Variants in SNRK observed in about 807,000 individuals in gnomAD.
SNRK encodes SNF related kinase, also known as SNF-related serine/threonine-protein kinase.
Under a neutral mutation model 48.2 loss-of-function variants are expected in SNRK, and 3 were observed. The observed-to-expected ratio is 0.06, with a 90% CI of 0.03 to 0.16. SNRK has a LOEUF of 0.16. Among genes scored for constraint, SNRK ranks in the 10% least tolerant of loss-of-function variants. The pLI, the probability that SNRK is intolerant of heterozygous loss-of-function variation, is 1.00. For missense variants in SNRK, 627 were observed against 976.0 expected, an observed-to-expected ratio of 0.64 and a Z score of 4.76; for synonymous variants, 376 against 366.1, an observed-to-expected ratio of 1.03 and a Z score of -0.31.
At chr3:43,346,543 A>G (rs957319813) in intron 6 of SNRK, among the ~76,000 whole-genome samples, 1 of 152,216 alleles carries the variant, frequency 6.6e-6, no homozygotes, top group African/African-American at 2.4e-5. Context: ...AATAATGGTG[A>G]ATTTTGTTAT....
At chr3:43,320,544 G>A (rs1396749916) in intron 3 of SNRK, among the ~76,000 whole-genome samples, 2 of 152,110 alleles carry the variant, frequency 1.3e-5, no homozygotes, top group East Asian at 3.9e-4. Flanking sequence ...GACTGAAACT[G>A]GCTTAACAAA....
intron 1 of SNRK, among the ~76,000 whole-genome samples, chr3:43,291,499 AT>A (rs2090812206): frequency 6.6e-6 from 1 of 152,148 alleles, no homozygotes; most frequent in Non-Finnish European, 1.5e-5. Context: ...CCCCTTTCAA[AT>A]ACTGTAATCT....
chr3:43,339,871 A>ATATATG (rs2091221654), intron 4 of SNRK, among the ~76,000 whole-genome samples: 1 of 96,244 alleles, frequency 1.0e-5, no homozygotes, highest in African/African-American at 3.7e-5. Context: ...ATATATATAT[A>ATATATG]TATGTTACAT....
At position 43,341,197 on chromosome 3, in the gene SNRK, C is replaced by A. The variant is rs1303225551; in HGVS notation, c.944+698C>A. On this transcript the variant is annotated intron_variant, in intron 5 of 6. Coordinates refer to ENST00000296088, the MANE Select transcript of SNRK (RefSeq NM_017719.5). ...ATGGAGTCTCGCTCTGTCGCTCAGG[C>A]TGGAGTGCAGTGGCACAATCTTGGC... 2.0e-5 allele frequency among the ~76,000 whole-genome samples: 3 copies of A among 151,904 alleles called. No individual in the cohort carries two copies. In the East Asian group the frequency reaches 5.8e-4, roughly 29 times the overall value.
chr3:43,341,344 A>G (rs569135920), intron 5 of SNRK, among the ~76,000 whole-genome samples: 64 of 152,022 alleles, frequency 4.2e-4, no homozygotes, highest in Admixed American at 1.8e-3. Context: ...GTAGAGACGG[A>G]GTTTCACTGT....
chr3:43,347,399 T>G lies in SNRK; in HGVS notation c.1140T>G (p.Thr380=), dbSNP rs1440171493. Residue 380 remains threonine, a synonymous_variant, in exon 7 of 7, where the codon ACT becomes ACG. Coordinates refer to ENST00000296088, the MANE Select transcript of SNRK (RefSeq NM_017719.5). The surrounding 1 kb of genome is among the most constrained non-coding windows in gnomAD (Gnocchi z 5.4). ...ACCTTGAGGATGACCTCACGGCCAC[T>G]CCTTTGTCCCACGCGACTGTCCCTC... ...PQDLEDDLTA[T]PLSHATVPQS... The G allele has an allele frequency of 4.3e-6, 7 of 1,612,092 alleles. No individual in the cohort carries two copies. The highest frequency in any genetic ancestry group is 5.9e-6 in the Non-Finnish European group (7 of 1,179,040).
rs1444483771 is a variant in SNRK at position 43,347,934 on chromosome 3, G to A, written c.1675G>A (p.Gly559Arg). ...ESRRRLDKDS[G>R]FTYSWHRRDS... is the part of the protein sequence containing the mutation. ...CCGGCGGCGGCTCGATAAAGATAGC[G>A]GGTTCACCTACTCCTGGCACCGACG... The change falls in exon 7 of 7, where the codon GGG (glycine) becomes AGG (arginine). Residue 559 changes from glycine (G) to arginine (R), a missense_variant. This residue lies in a region of SNRK where 98 missense variants were observed against 175.2 expected (regional missense o/e 0.56). Coordinates refer to ENST00000296088, the MANE Select transcript of SNRK (RefSeq NM_017719.5). This position sits in a 1 kb window ranked among gnomAD's most constrained non-coding sequence, Gnocchi z 5.4. The A allele has an allele frequency of 3.1e-6, 5 of 1,613,966 alleles. No homozygotes were observed. The highest frequency in any genetic ancestry group is 4.2e-6 in the Non-Finnish European group (5 of 1,180,036).
intron 4 of SNRK, among the ~76,000 whole-genome samples, chr3:43,338,405 C>T (rs1476972618): frequency 6.6e-6 from 1 of 152,128 alleles, no homozygotes; most frequent in Non-Finnish European, 1.5e-5. Context: ...GATATTATTC[C>T]ACTGTTTTCT....
chr3:43,299,841 C>A (rs2090885702), intron 2 of SNRK, 26 bp downstream of exon 2: 2 of 152,514 alleles, frequency 1.3e-5, no homozygotes, highest in Non-Finnish European at 2.9e-5. Context: ...AGTACAAATT[C>A]ACCTTTACTT....
intron 3 of SNRK, among the ~76,000 whole-genome samples, chr3:43,305,279 C>A (rs1294837374): frequency 6.6e-6 from 1 of 152,110 alleles, no homozygotes; most frequent in East Asian, 1.9e-4. Flanking sequence ...CAGAGTAGCT[C>A]TCACTTATGC....
At position 43,350,330 on chromosome 3, in the gene SNRK, G is replaced by C. The variant is rs1188254764; in HGVS notation, c.*1773G>C. The C allele has an allele frequency of 1.3e-5, 2 of 152,600 alleles. No individual in the cohort carries two copies. The highest frequency in any genetic ancestry group is 6.5e-5 in the Admixed American group (1 of 15,276). The allele number at this position is 152,600 out of a possible 1,614,324, so 9.5% of individuals were successfully genotyped here. A position where few individuals can be genotyped will look rare whatever the true frequency, so the allele number is the denominator to read the frequency against. On this transcript the variant is annotated 3_prime_UTR_variant, in exon 7 of 7. Transcript: ENST00000296088. ...TGTGTGGTTCACATAGATAGTGAGCGTAACATCTGTATTAAACATAGGAGA... is the reference window on the plus strand; with the variant it reads ...TGTGTGGTTCACATAGATAGTGAGCCTAACATCTGTATTAAACATAGGAGA...
intron 3 of SNRK, among the ~76,000 whole-genome samples, chr3:43,313,358 A>C (rs1017706129): frequency 6.6e-6 from 1 of 152,210 alleles, no homozygotes; most frequent in African/African-American, 2.4e-5. Context: ...TGGTGTATTC[A>C]TACCATGGAA....
At chr3:43,306,229 A>G (rs2090936509) in intron 3 of SNRK, among the ~76,000 whole-genome samples, 1 of 139,474 alleles carries the variant, frequency 7.2e-6, no homozygotes, top group Admixed American at 7.5e-5. Flanking sequence ...TAGAATTGCT[A>G]TTTTTAAAAA....
chr3:43,311,946 A>G (rs2090981821), intron 3 of SNRK, among the ~76,000 whole-genome samples: 1 of 152,170 alleles, frequency 6.6e-6, no homozygotes. Context: ...TAATAGATTC[A>G]CAACTTTTCA....
intron 3 of SNRK, among the ~76,000 whole-genome samples, chr3:43,308,710 G>A (rs1176806018): frequency 6.6e-6 from 1 of 152,226 alleles, no homozygotes; most frequent in Non-Finnish European, 1.5e-5. Flanking sequence ...TGATGGAGAT[G>A]TACAAGGAAA....
intron 1 of SNRK, among the ~76,000 whole-genome samples, chr3:43,290,040 C>G (rs2090798649): frequency 6.6e-6 from 1 of 152,178 alleles, no homozygotes; most frequent in Admixed American, 6.5e-5. Flanking sequence ...AAAAATGCTC[C>G]AGGAACCTGG....
chr3:43,299,364 G>C (rs993975618), intron 1 of SNRK, among the ~76,000 whole-genome samples: 2 of 152,116 alleles, frequency 1.3e-5, no homozygotes, highest in Non-Finnish European at 2.9e-5. Flanking sequence ...TTTTAGTAGA[G>C]ACGGGGTTTC....
At chr3:43,337,410 A>G (rs1389439627) in intron 4 of SNRK, among the ~76,000 whole-genome samples, 1 of 151,928 alleles carries the variant, frequency 6.6e-6, no homozygotes, top group Non-Finnish European at 1.5e-5. Flanking sequence ...CAAAATTTAT[A>G]GCTTATTCTT....
intron 2 of SNRK, among the ~76,000 whole-genome samples, chr3:43,302,638 A>ATT (rs200971249): frequency 3.0e-5 from 4 of 133,684 alleles, no homozygotes; most frequent in South Asian, 2.4e-4. Context: ...CACAGAATGG[A>ATT]TTTTTTTTTT....
Sources: allele counts gnomAD v4.1 joint callset (sites outside exome capture counted in the v4.1 genomes callset), GRCh38; gene constraint gnomAD v4.1.1; regional missense constraint gnomAD v4.1.1; non-coding constraint Gnocchi (gnomAD v3.1); transcripts MANE v1.5; gene names NCBI Gene and HGNC (gene_info 2026-07-23, HGNC 2026-07-21).